MYO16: variants seen among roughly 807,000 people sequenced by gnomAD.
MYO16 encodes the protein myosin XVI.
Under a neutral mutation model 205.3 loss-of-function variants are expected in MYO16, and 94 were observed. The observed-to-expected ratio is 0.46, with a 90% CI of 0.39 to 0.54. The LOEUF is 0.54. Among genes scored for constraint, MYO16 ranks in the 20% least tolerant of loss-of-function variants. The probability of loss-of-function intolerance (pLI) is 0.00; values close to 1 mark genes in which losing one functional copy is unlikely to be tolerated. For synonymous variants in MYO16, 988 were observed against 954.0 expected (o/e 1.04, Z -0.66); for missense variants, 2,315 against 2,387.5 (o/e 0.97, Z 0.63).
the MYO16 span, among the ~76,000 whole-genome samples, chr13:108,497,939 A>G: frequency 0.012 from 1,900 of 152,310 alleles, 30 homozygotes; most frequent in Non-Finnish European, 0.018. Flanking sequence ...CTCCTTGAGA[A>G]ATCAGAAAAT....
chr13:108,522,575 A>G, the MYO16 span, among the ~76,000 whole-genome samples: 1 of 152,300 alleles, frequency 6.6e-6, no homozygotes, highest in South Asian at 2.1e-4. Flanking sequence ...ATTGACTCCC[A>G]TAAATCTTGG....
chr13:108,834,865 T>G (rs1483788498), intron 9 of MYO16, among the ~76,000 whole-genome samples: 1 of 152,114 alleles, frequency 6.6e-6, no homozygotes, highest in African/African-American at 2.4e-5. Context: ...AAATGAAAAT[T>G]TAAATATATT....
chr13:109,164,718 T>G (rs1459032119), intron 32 of MYO16, among the ~76,000 whole-genome samples, 183 bp from the exon 33 acceptor site: 4 of 152,196 alleles, frequency 2.6e-5, no homozygotes, highest in Admixed American at 6.5e-5. Flanking sequence ...TCCTTTTTGT[T>G]TGACATTGTT....
intron 22 of MYO16, among the ~76,000 whole-genome samples, chr13:109,010,439 T>A (rs1308757934): frequency 1.3e-5 from 2 of 152,236 alleles, no homozygotes; most frequent in African/African-American, 4.8e-5. Flanking sequence ...GCTTAAAAAA[T>A]GTTGCTAGTA....
chr13:108,793,841 C>G (rs1438418708), intron 6 of MYO16, among the ~76,000 whole-genome samples: 5 of 152,052 alleles, frequency 3.3e-5, no homozygotes, highest in Non-Finnish European at 5.9e-5. Context: ...GGTGTCTACC[C>G]AAGGAATATA....
rs183320280 is a variant in MYO16, at chr13:108,675,188, C to A, written c.292+9039C>A. Among the ~76,000 whole-genome samples the A allele has an allele frequency of 4.6e-3, 703 of 152,206 alleles. 9 individuals are homozygous for A. The highest frequency in any genetic ancestry group is 7.9e-3 in the Non-Finnish European group (540 of 68,000). On this transcript the variant is annotated intron_variant, in intron 2 of 34. Transcript: ENST00000457511. ...AAAAGAATGACTTCTGGATTTTAGACAAAAAGGGTGAGTTTTCCAACTCCA... is the reference window on the plus strand; with the variant it reads ...AAAAGAATGACTTCTGGATTTTAGAAAAAAAGGGTGAGTTTTCCAACTCCA...
chr13:108,587,023 G>A, the MYO16 span, among the ~76,000 whole-genome samples: 1 of 152,224 alleles, frequency 6.6e-6, no homozygotes, highest in African/African-American at 2.4e-5. Context: ...GACAGCAAGT[G>A]TTGCTAAGGA....
At chr13:108,623,646 A>G (rs187589392) in intron 1 of MYO16, among the ~76,000 whole-genome samples, 51 of 152,290 alleles carry the variant, frequency 3.3e-4, no homozygotes, top group East Asian at 5.8e-4. Context: ...TCCTGCCTTT[A>G]ATAAAATATT....
At chr13:109,039,324 C>A (rs1176972004) in intron 23 of MYO16, among the ~76,000 whole-genome samples, 1 of 152,184 alleles carries the variant, frequency 6.6e-6, no homozygotes, top group African/African-American at 2.4e-5. Flanking sequence ...TGCAGGAGAA[C>A]TGAACAACAC....
At chr13:108,916,325 T>G (rs1881493682) in intron 16 of MYO16, among the ~76,000 whole-genome samples, 1 of 152,170 alleles carries the variant, frequency 6.6e-6, no homozygotes, top group Non-Finnish European at 1.5e-5. Context: ...GTGTCTGTAT[T>G]GTATAGTGAG....
At chr13:108,964,718 G>A in intron 19 of MYO16, 43 bp from the exon 20 acceptor site, 1 of 1,599,598 alleles carries the variant, frequency 6.3e-7, no homozygotes, top group Non-Finnish European at 8.5e-7. Context: ...TCTAAATGAG[G>A]GAACCCTTGT....
At chr13:108,970,825 G>T (rs1004526384) in intron 20 of MYO16, among the ~76,000 whole-genome samples, 1 of 152,174 alleles carries the variant, frequency 6.6e-6, no homozygotes, top group African/African-American at 2.4e-5. Context: ...CTGGCTAATA[G>T]GTTGAGGCCC....
At chr13:108,588,505 G>C in the MYO16 span, among the ~76,000 whole-genome samples, 1 of 152,186 alleles carries the variant, frequency 6.6e-6, no homozygotes, top group Admixed American at 6.5e-5. Context: ...AAATAGAAAA[G>C]GAAAAATACC....
intron 4 of MYO16, among the ~76,000 whole-genome samples, chr13:108,735,971 C>T (rs868397460): frequency 2.2e-5 from 3 of 133,886 alleles, no homozygotes; most frequent in Admixed American, 8.2e-5. Flanking sequence ...ATGTCCTTTG[C>T]CCACTTTTTG....
chr13:109,177,947 T>C (rs1035679218), intron 33 of MYO16, among the ~76,000 whole-genome samples: 4 of 152,210 alleles, frequency 2.6e-5, no homozygotes, highest in Non-Finnish European at 4.4e-5. Flanking sequence ...AAGGTTTATC[T>C]TGCTTATCAA....
intron 16 of MYO16, among the ~76,000 whole-genome samples, chr13:108,949,718 A>G (rs779930676): frequency 1.3e-5 from 2 of 152,196 alleles, no homozygotes; most frequent in Non-Finnish European, 2.9e-5. Context: ...TAGCTAAAAA[A>G]AATAATGCAA....
At chr13:108,949,042 G>T (rs1883044024) in intron 16 of MYO16, among the ~76,000 whole-genome samples, 1 of 152,180 alleles carries the variant, frequency 6.6e-6, no homozygotes, top group Admixed American at 6.5e-5. Context: ...AACAGTTGTT[G>T]TTACAGACTT....
chr13:108,625,682 T>G (rs1879707984), upstream of MYO16, among the ~76,000 whole-genome samples: 1 of 152,226 alleles, frequency 6.6e-6, no homozygotes. Flanking sequence ...AGCCCCAACC[T>G]ATTCACAGGG....
the MYO16 span, among the ~76,000 whole-genome samples, chr13:108,522,247 A>T: frequency 6.6e-6 from 1 of 152,230 alleles, no homozygotes; most frequent in South Asian, 2.1e-4. Context: ...ACTTCTATGA[A>T]TTATAAGATT....
Sources: gnomAD v4.1 joint callset for allele counts (sites outside exome capture counted in the v4.1 genomes callset) on GRCh38, gnomAD v4.1.1 for gene constraint, MANE v1.5 for transcripts, NCBI Gene and HGNC (gene_info 2026-07-23, HGNC 2026-07-21) for gene names.